GRM8: variants seen among roughly 807,000 people sequenced by gnomAD.
GRM8 encodes the protein glutamate metabotropic receptor 8.
In GRM8, 47 loss-of-function variants were observed where a neutral mutation model predicts 87.2. That is an observed-to-expected ratio of 0.54 (90% CI 0.43 to 0.69). GRM8 has a LOEUF of 0.69. Ranked by LOEUF, GRM8 falls within the 30% of genes least tolerant of loss-of-function variation. The probability of loss-of-function intolerance (pLI) is 0.00; values close to 1 mark genes in which losing one functional copy is unlikely to be tolerated. For missense variants in GRM8, 1,019 were observed against 1,139.2 expected, an observed-to-expected ratio of 0.89 and a Z score of 1.52; for synonymous variants, 396 against 404.5, an observed-to-expected ratio of 0.98 and a Z score of 0.25.
At chr7:127,139,987 C>T (rs1563537977) in intron 2 of GRM8, among the ~76,000 whole-genome samples, 1 of 152,100 alleles carries the variant, frequency 6.6e-6, no homozygotes, top group Non-Finnish European at 1.5e-5. Context: ...ACTATGCTTG[C>T]TGGCTGGGTT....
At chr7:127,155,203 C>G (rs1158783536) in intron 2 of GRM8, among the ~76,000 whole-genome samples, 1 of 152,074 alleles carries the variant, frequency 6.6e-6, no homozygotes, top group Non-Finnish European at 1.5e-5. Flanking sequence ...GCATGCCCAC[C>G]CCACACTTAC....
intron 6 of GRM8, among the ~76,000 whole-genome samples, chr7:126,781,366 C>T (rs1820058643): frequency 1.3e-5 from 2 of 152,152 alleles, no homozygotes; most frequent in African/African-American, 4.8e-5. Context: ...TACAATCTCC[C>T]TAGGTTATAA....
intron 7 of GRM8, among the ~76,000 whole-genome samples, chr7:126,646,075 TC>T (rs1310238585): frequency 6.6e-6 from 1 of 152,128 alleles, no homozygotes; most frequent in East Asian, 1.9e-4. Flanking sequence ...CTGGTCATCA[TC>T]CCTCCACATG....
intron 6 of GRM8, among the ~76,000 whole-genome samples, chr7:126,782,616 G>C (rs1820204841): frequency 6.6e-6 from 1 of 152,118 alleles, no homozygotes; most frequent in Non-Finnish European, 1.5e-5. Flanking sequence ...CAACAACAAA[G>C]AACCACAGCT....
Position 126,879,142 on chromosome 7 carries a change from C to A in GRM8, c.1156+23400G>T, listed in dbSNP as rs560593372. ...GGCGCCATTGCACTCCAGCCTGGGC[C>A]ACAGAGTAGTGAGACTCTGTCTTGG... On this transcript the variant is annotated intron_variant, in intron 6 of 10. Coordinates refer to ENST00000339582, the MANE Select transcript of GRM8 (RefSeq NM_000845.3). 6.0e-5 allele frequency among the ~76,000 whole-genome samples: 8 copies of A among 133,498 alleles called. No individual in the cohort carries two copies. The South Asian group carries it at 7.2e-4, about 12-fold the overall frequency. The allele number at this position is 133,498 out of a possible 152,430, so 87.6% of individuals were successfully genotyped here.
intron 2 of GRM8, among the ~76,000 whole-genome samples, chr7:127,135,878 G>A (rs940621337): frequency 3.9e-5 from 6 of 152,040 alleles, no homozygotes; most frequent in African/African-American, 1.4e-4. Context: ...TCTAAAAATT[G>A]AGAATTATTT....
At chr7:126,947,995 A>G (rs1279287162) in intron 3 of GRM8, among the ~76,000 whole-genome samples, 1 of 152,172 alleles carries the variant, frequency 6.6e-6, no homozygotes, top group Non-Finnish European at 1.5e-5. Flanking sequence ...AAAGAGGGTA[A>G]GTTCTACTTT....
intron 3 of GRM8, among the ~76,000 whole-genome samples, chr7:126,920,484 T>G (rs1173339774): frequency 6.6e-6 from 1 of 152,022 alleles, no homozygotes; most frequent in Non-Finnish European, 1.5e-5. Flanking sequence ...AAAAGCTCAG[T>G]GAGAGCCCAC....
chr7:127,237,191 A>G (rs1760826165), intron 2 of GRM8, among the ~76,000 whole-genome samples: 1 of 152,216 alleles, frequency 6.6e-6, no homozygotes, highest in Non-Finnish European at 1.5e-5. Context: ...TCACCTAAGG[A>G]GAGTGAGCTC....
chr7:127,090,593 T>A (rs17867759), intron 3 of GRM8, among the ~76,000 whole-genome samples: 6,049 of 152,330 alleles, frequency 0.04, 173 homozygotes, highest in South Asian at 0.12. Flanking sequence ...AGATTCAAGT[T>A]TAGCAACCTG....
chr7:126,899,843 T>A (rs1342784417), intron 6 of GRM8, among the ~76,000 whole-genome samples: 2 of 152,116 alleles, frequency 1.3e-5, no homozygotes, highest in African/African-American at 4.8e-5. Context: ...TCAAAACTTC[T>A]TGAAACAGCA....
At chr7:127,075,496 C>A (rs530073663) in intron 3 of GRM8, among the ~76,000 whole-genome samples, 12 of 151,310 alleles carry the variant, frequency 7.9e-5, no homozygotes, top group Non-Finnish European at 1.8e-4. Flanking sequence ...TTAGTCAGGG[C>A]GAAGTATATG....
chr7:127,247,198 A>G (rs17866132), intron 1 of GRM8, among the ~76,000 whole-genome samples: 3,362 of 152,296 alleles, frequency 0.022, 116 homozygotes, highest in African/African-American at 0.076. Context: ...CGGTTTGTCC[A>G]AACACTTCTG....
At chr7:127,129,723 A>G (rs967155829) in intron 2 of GRM8, among the ~76,000 whole-genome samples, 1 of 152,212 alleles carries the variant, frequency 6.6e-6, no homozygotes, top group Non-Finnish European at 1.5e-5. Flanking sequence ...TTTTCCCTTC[A>G]GCCAAAGTCA....
chr7:126,833,773 C>T (rs975360988), intron 6 of GRM8, among the ~76,000 whole-genome samples: 1 of 152,174 alleles, frequency 6.6e-6, no homozygotes, highest in Non-Finnish European at 1.5e-5. Context: ...AGGACATAAA[C>T]ATTCAGTACA....
intron 2 of GRM8, among the ~76,000 whole-genome samples, chr7:127,219,879 A>G (rs955610370): frequency 1.3e-5 from 2 of 152,054 alleles, no homozygotes; most frequent in African/African-American, 4.8e-5. Flanking sequence ...CTGACCTGGG[A>G]GCAAACAGAC....
chr7:126,689,819 T>C (rs1039576858), intron 7 of GRM8, among the ~76,000 whole-genome samples: 2 of 152,226 alleles, frequency 1.3e-5, no homozygotes, highest in East Asian at 3.8e-4. Context: ...AGCTTCTGCA[T>C]GACCATGGGT....
At chr7:126,901,646 G>A (rs1215547947) in intron 6 of GRM8, among the ~76,000 whole-genome samples, 3 of 152,106 alleles carry the variant, frequency 2.0e-5, no homozygotes, top group African/African-American at 7.2e-5. Flanking sequence ...GTGAGGAGGA[G>A]GGAAAGGAGG....
chr7:126,851,708 C>G (rs1415344675), intron 6 of GRM8, among the ~76,000 whole-genome samples: 1 of 152,090 alleles, frequency 6.6e-6, no homozygotes, highest in East Asian at 1.9e-4. Context: ...TTCCTCCATT[C>G]CCCCAGGGTT....
Sources: gnomAD v4.1 joint callset for allele counts (sites outside exome capture counted in the v4.1 genomes callset) on GRCh38, gnomAD v4.1.1 for gene constraint, MANE v1.5 for transcripts, NCBI Gene and HGNC (gene_info 2026-07-23, HGNC 2026-07-21) for gene names.